The following SNTB1 variants were observed in gnomAD, a reference collection of about 807,000 sequenced individuals.
SNTB1 encodes the protein beta-1-syntrophin.
Under a neutral mutation model 48.9 loss-of-function variants are expected in SNTB1, and 36 were observed. That is an observed-to-expected ratio of 0.74 (90% CI 0.56 to 0.97). The LOEUF is 0.97. SNTB1 is among the 50% of genes least tolerant of loss of function. SNTB1 has a pLI of 0.00. For missense variants in SNTB1, 786 were observed against 703.4 expected, an observed-to-expected ratio of 1.12 and a Z score of -1.33; for synonymous variants, 299 against 294.6, an observed-to-expected ratio of 1.01 and a Z score of -0.15.
chr8:120,617,228 G>A (rs953590493), intron 3 of SNTB1, among the ~76,000 whole-genome samples: 20 of 152,116 alleles, frequency 1.3e-4, no homozygotes, highest in African/African-American at 4.3e-4. Context: ...TAGAATCAGT[G>A]AGCTCTTACC....
intron 3 of SNTB1, among the ~76,000 whole-genome samples, chr8:120,631,119 T>C (rs904773790): frequency 6.6e-6 from 1 of 152,206 alleles, no homozygotes; most frequent in Non-Finnish European, 1.5e-5. Context: ...GAAAGATCCT[T>C]GAGTATCAGG....
intron 1 of SNTB1, among the ~76,000 whole-genome samples, chr8:120,709,718 G>A (rs1818433227): frequency 6.6e-6 from 1 of 152,072 alleles, no homozygotes; most frequent in African/African-American, 2.4e-5. Flanking sequence ...CTTTCCCACT[G>A]TGTTGGGAAA....
intron 1 of SNTB1, among the ~76,000 whole-genome samples, chr8:120,721,833 A>G (rs1295349685): frequency 6.6e-6 from 1 of 152,008 alleles, no homozygotes; most frequent in African/African-American, 2.4e-5. Context: ...GGCCTGCTGC[A>G]CCCATCGACC....
chr8:120,727,642 C>G (rs1818781404), intron 1 of SNTB1, among the ~76,000 whole-genome samples: 1 of 152,122 alleles, frequency 6.6e-6, no homozygotes, highest in South Asian at 2.1e-4. Context: ...CAACAAGACC[C>G]AAGTTGAAAT....
At chr8:120,567,806 T>C (rs1222592215) in intron 4 of SNTB1, among the ~76,000 whole-genome samples, 1 of 152,138 alleles carries the variant, frequency 6.6e-6, no homozygotes, top group Non-Finnish European at 1.5e-5. Flanking sequence ...AAAACATAGC[T>C]CTATATCCAT....
At chr8:120,794,028 T>C (rs1460008250) in intron 1 of SNTB1, among the ~76,000 whole-genome samples, 2 of 152,006 alleles carry the variant, frequency 1.3e-5, no homozygotes, top group Non-Finnish European at 2.9e-5. Context: ...GGTTTAGTTA[T>C]GACAATAATA....
intron 1 of SNTB1, among the ~76,000 whole-genome samples, chr8:120,696,031 C>T (rs981855233): frequency 5.9e-5 from 9 of 151,922 alleles, no homozygotes; most frequent in African/African-American, 1.5e-4. Context: ...TGAAGCTGTC[C>T]GAGGCTGGAA....
intron 1 of SNTB1, among the ~76,000 whole-genome samples, chr8:120,773,958 C>T (rs975938864): frequency 5.9e-5 from 9 of 152,282 alleles, no homozygotes; most frequent in African/African-American, 2.2e-4. Flanking sequence ...TAATATTTAT[C>T]GGAAACCAAG....
chr8:120,674,824 T>C (rs1817809836), intron 2 of SNTB1, among the ~76,000 whole-genome samples: 1 of 152,124 alleles, frequency 6.6e-6, no homozygotes, highest in African/African-American at 2.4e-5. Context: ...AAGTCTCTAT[T>C]CTTTATTTTT....
At chr8:120,734,997 G>T (rs1308169108) in intron 1 of SNTB1, among the ~76,000 whole-genome samples, 6 of 152,170 alleles carry the variant, frequency 3.9e-5, no homozygotes, top group Admixed American at 3.9e-4. Flanking sequence ...ACATAAAATA[G>T]GAAGAATGAG....
chr8:120,810,042 A>G (rs982068563), intron 1 of SNTB1, among the ~76,000 whole-genome samples: 2 of 152,206 alleles, frequency 1.3e-5, no homozygotes, highest in African/African-American at 2.4e-5. Context: ...TTTAGGGCTT[A>G]AATCAATCAC....
At position 120,621,608 on chromosome 8, in the gene SNTB1, A is replaced by G. The variant is rs1214081450; in HGVS notation, c.996+10836T>C. Among the ~76,000 whole-genome samples, 4 of 152,212 alleles carry G rather than the reference A, an allele frequency of 2.6e-5. No homozygotes were observed. The East Asian group carries it at 7.7e-4, about 29-fold the overall frequency. ...AAAAATCACAATTACTTTCGCATCA[A>G]CACAATAGATCAACAAACAAGTGTA... On this transcript the variant is annotated intron_variant, in intron 3 of 6. Coordinates refer to ENST00000517992, the MANE Select transcript of SNTB1 (RefSeq NM_021021.4).
chr8:120,803,526 G>A (rs1456997041), intron 1 of SNTB1, among the ~76,000 whole-genome samples: 1 of 152,144 alleles, frequency 6.6e-6, no homozygotes, highest in Non-Finnish European at 1.5e-5. Context: ...GAAATGGAAC[G>A]CTTAGTAGGC....
intron 1 of SNTB1, among the ~76,000 whole-genome samples, chr8:120,807,773 A>G (rs1262842517): frequency 6.6e-6 from 1 of 152,196 alleles, no homozygotes; most frequent in African/African-American, 2.4e-5. Flanking sequence ...TTTGAACCCA[A>G]TAACTCCAAC....
chr8:120,683,632 T>C (rs760402515), intron 2 of SNTB1, among the ~76,000 whole-genome samples: 3 of 151,994 alleles, frequency 2.0e-5, no homozygotes, highest in Non-Finnish European at 4.4e-5. Context: ...AGTTAAGGTA[T>C]TGAGAACCCA....
intron 2 of SNTB1, among the ~76,000 whole-genome samples, chr8:120,646,596 T>A (rs1193789279): frequency 6.6e-6 from 1 of 152,022 alleles, no homozygotes; most frequent in Non-Finnish European, 1.5e-5. Flanking sequence ...TTTGCATTAA[T>A]GTTCATCAAG....
chr8:120,755,561 A>G (rs1819305744), intron 1 of SNTB1, among the ~76,000 whole-genome samples: 1 of 152,166 alleles, frequency 6.6e-6, no homozygotes, highest in African/African-American at 2.4e-5. Context: ...TAATGAACAG[A>G]CTGTCAAAAA....
chr8:120,693,456 T>C (rs576572100), intron 2 of SNTB1, among the ~76,000 whole-genome samples: 1 of 152,340 alleles, frequency 6.6e-6, no homozygotes, highest in African/African-American at 2.4e-5. Context: ...AGGATGCTGA[T>C]TCCAGTTCTT....
At chr8:120,583,514 AACACAC>A (rs10524445) in intron 3 of SNTB1, among the ~76,000 whole-genome samples, 7,929 of 143,044 alleles carry the variant, frequency 0.055, 457 homozygotes, top group African/African-American at 0.14. Flanking sequence ...TCCGTCTCAA[AACACAC>A]ACACACACAC....
Sources: allele counts gnomAD v4.1 joint callset (sites outside exome capture counted in the v4.1 genomes callset), GRCh38; gene constraint gnomAD v4.1.1; transcripts MANE v1.5; gene names NCBI Gene and HGNC (gene_info 2026-07-23, HGNC 2026-07-21).